The following XKR9 variants were observed in gnomAD, a reference collection of about 807,000 sequenced individuals.
The protein encoded by XKR9 is XK related 9, also known as XK-related protein 9.
A neutral mutation model predicts 32.0 loss-of-function variants in XKR9; 32 were observed. That is an observed-to-expected ratio of 1.00 (90% confidence interval 0.76 to 1.34). The LOEUF (loss-of-function observed/expected upper bound fraction) is 1.34. Ranked by LOEUF, XKR9 falls within the 40% of genes most tolerant of loss-of-function variation. The pLI is 0.00. For missense variants in XKR9, 546 were observed against 429.7 expected, an observed-to-expected ratio of 1.27 and a Z score of -2.39; for synonymous variants, 168 against 143.4, an observed-to-expected ratio of 1.17 and a Z score of -1.22.
chr8:70,753,040 A>G (rs187492309), intron 2 of XKR9, among the ~76,000 whole-genome samples: 15 of 152,356 alleles, frequency 9.8e-5, no homozygotes, highest in African/African-American at 3.6e-4. Flanking sequence ...AAAGAAGAAG[A>G]GAGAAGAATC....
chr8:70,730,877 A>T (rs945933164), intron 4 of XKR9, among the ~76,000 whole-genome samples: 1 of 152,234 alleles, frequency 6.6e-6, no homozygotes, highest in African/African-American at 2.4e-5. Flanking sequence ...ACTGCTCAAG[A>T]TAATTTTAGG....
the XKR9 span, among the ~76,000 whole-genome samples, chr8:70,921,771 A>T: frequency 6.6e-6 from 1 of 152,174 alleles, no homozygotes; most frequent in South Asian, 2.1e-4. Context: ...GCTTCTGCTA[A>T]TTATACATTT....
chr8:70,922,541 C>G, the XKR9 span, among the ~76,000 whole-genome samples: 1 of 152,174 alleles, frequency 6.6e-6, no homozygotes, highest in South Asian at 2.1e-4. Flanking sequence ...AAAGTATTTT[C>G]CCAGTGATTA....
chr8:70,935,635 C>T, the XKR9 span, among the ~76,000 whole-genome samples: 10 of 151,790 alleles, frequency 6.6e-5, no homozygotes, highest in Admixed American at 4.0e-4. Flanking sequence ...AAATGTTTTC[C>T]CATATTTTAA....
the XKR9 span, among the ~76,000 whole-genome samples, chr8:70,807,675 C>A: frequency 1.3e-5 from 2 of 152,024 alleles, no homozygotes; most frequent in Non-Finnish European, 2.9e-5. Flanking sequence ...AACAGCATTA[C>A]ATAATGGTAA....
intron 1 of XKR9, among the ~76,000 whole-genome samples, chr8:70,669,854 G>T (rs540348615): frequency 1.8e-4 from 27 of 151,920 alleles, no homozygotes; most frequent in African/African-American, 6.5e-4. Flanking sequence ...TTTTAGTAGA[G>T]ACCGGGTTTC....
chr8:70,907,286 CT>C, the XKR9 span, among the ~76,000 whole-genome samples: 1 of 152,124 alleles, frequency 6.6e-6, no homozygotes, highest in African/African-American at 2.4e-5. Context: ...ATCTTAAGAT[CT>C]TTGGTCAAAG....
At chr8:70,809,088 G>A in the XKR9 span, among the ~76,000 whole-genome samples, 1 of 152,164 alleles carries the variant, frequency 6.6e-6, no homozygotes, top group Admixed American at 6.5e-5. Flanking sequence ...GTACTCCTCT[G>A]AGACAAAACT....
the XKR9 span, among the ~76,000 whole-genome samples, chr8:70,869,640 C>T: frequency 1.3e-5 from 2 of 152,146 alleles, no homozygotes; most frequent in African/African-American, 4.8e-5. Context: ...CTCACTGTCT[C>T]AGAGAAAAAA....
the XKR9 span, among the ~76,000 whole-genome samples, chr8:70,988,138 T>C: frequency 6.6e-6 from 1 of 152,206 alleles, no homozygotes; most frequent in East Asian, 1.9e-4. Context: ...TGCCACGCTA[T>C]AATGAGAGGG....
chr8:70,997,212 G>C, the XKR9 span, among the ~76,000 whole-genome samples: 1 of 151,920 alleles, frequency 6.6e-6, no homozygotes, highest in African/African-American at 2.4e-5. Flanking sequence ...CAGGAGAATC[G>C]CTTGAACCCG....
chr8:70,740,573 G>GT (rs199686785), downstream of XKR9, among the ~76,000 whole-genome samples: 3 of 151,266 alleles, frequency 2.0e-5, no homozygotes, highest in South Asian at 4.1e-4. Context: ...TTTCTGCTCT[G>GT]TTTTTTTCCC....
intron 3 of XKR9, among the ~76,000 whole-genome samples, chr8:70,691,397 C>T (rs1483970700): frequency 6.6e-6 from 1 of 152,178 alleles, no homozygotes; most frequent in Non-Finnish European, 1.5e-5. Context: ...TTTCGCTGTA[C>T]AGAAGCTTTT....
At chr8:70,834,394 C>T in the XKR9 span, among the ~76,000 whole-genome samples, 4 of 152,108 alleles carry the variant, frequency 2.6e-5, no homozygotes, top group East Asian at 7.7e-4. Flanking sequence ...AGACCAGATT[C>T]ATATTAGCTT....
the XKR9 span, among the ~76,000 whole-genome samples, chr8:70,883,366 A>G: frequency 1.3e-5 from 2 of 151,738 alleles, no homozygotes; most frequent in East Asian, 1.9e-4. Flanking sequence ...TTTTTTTTTA[A>G]TCTACTTGTT....
intron 4 of XKR9, among the ~76,000 whole-genome samples, chr8:70,723,991 C>T (rs1364594665): frequency 1.3e-5 from 2 of 151,886 alleles, no homozygotes; most frequent in African/African-American, 4.8e-5. Context: ...CCACAACCAC[C>T]CCTTTACCGA....
intron 3 of XKR9, among the ~76,000 whole-genome samples, chr8:70,692,950 G>T (rs1805133822): frequency 6.6e-6 from 1 of 152,176 alleles, no homozygotes; most frequent in African/African-American, 2.4e-5. Context: ...ATGAAAGAAT[G>T]TTCAGTTTTA....
chr8:70,996,820 A>G, the XKR9 span, among the ~76,000 whole-genome samples: 7 of 152,118 alleles, frequency 4.6e-5, no homozygotes, highest in Admixed American at 2.6e-4. Flanking sequence ...TGAATTGGTC[A>G]TAAGACACTC....
At chr8:70,761,090 C>T (rs1259304768) in intron 2 of XKR9, among the ~76,000 whole-genome samples, 1 of 152,230 alleles carries the variant, frequency 6.6e-6, no homozygotes, top group South Asian at 2.1e-4. Context: ...TTATGTACCA[C>T]ATTTTCTTCA....
Sources: allele counts gnomAD v4.1 joint callset (sites outside exome capture counted in the v4.1 genomes callset), GRCh38; gene constraint gnomAD v4.1.1; transcripts MANE v1.5; gene names NCBI Gene and HGNC (gene_info 2026-07-23, HGNC 2026-07-21).